The following ZBTB41 variants were observed in gnomAD, a reference collection of about 807,000 sequenced individuals.
ZBTB41 encodes zinc finger and BTB domain-containing protein 41.
A neutral mutation model predicts 87.6 loss-of-function variants in ZBTB41; 42 were observed. The ratio of observed to expected loss-of-function variants is 0.48; its 90% CI spans 0.37 to 0.62. The LOEUF (loss-of-function observed/expected upper bound fraction) is 0.62, where lower values mean the gene tolerates loss of function less well. ZBTB41 is among the 20% of genes least tolerant of loss of function. The pLI is 0.00. For synonymous variants in ZBTB41, 364 were observed against 364.0 expected (o/e 1.00, Z 0.00); for missense variants, 799 against 1,078.9 (o/e 0.74, Z 3.63).
chr1:197,179,605 G>A (rs536423046), intron 6 of ZBTB41, among the ~76,000 whole-genome samples: 133 of 152,048 alleles, frequency 8.7e-4, no homozygotes, highest in Non-Finnish European at 1.6e-3. Flanking sequence ...GTTACCATAG[G>A]ACATGACAGC....
At chr1:197,178,098 T>C (rs923455161) in intron 7 of ZBTB41, among the ~76,000 whole-genome samples, 3 of 151,924 alleles carry the variant, frequency 2.0e-5, no homozygotes, top group African/African-American at 7.3e-5. Context: ...TGTTCTTTGA[T>C]AGTAAAGAGT....
chr1:197,175,039 G>A lies in ZBTB41; in HGVS notation c.1956C>T (p.Ser652=), dbSNP rs376104266. 4.2e-5 allele frequency: 68 copies of A among 1,609,398 alleles called. No homozygotes were observed. The highest frequency in any genetic ancestry group is 5.0e-5 in the Non-Finnish European group (59 of 1,177,504). Residue 652 remains serine, a synonymous_variant, in exon 9 of 11, where the codon AGC becomes AGT. Coordinates refer to ENST00000367405, the MANE Select transcript of ZBTB41 (RefSeq NM_194314.3). ...GCCACACTTTCTCTCCAAGGTGTACGCTTTTGTAATGAACAGTGAGATGAT... is the reference window on the plus strand; with the variant it reads ...GCCACACTTTCTCTCCAAGGTGTACACTTTTGTAATGAACAGTGAGATGAT... ...RRDHLTVHYK[S]VHLGEKVWQK... is the part of the protein sequence containing the mutation.
At chr1:197,186,642 A>G (rs1488980026) in intron 5 of ZBTB41, among the ~76,000 whole-genome samples, 1 of 152,162 alleles carries the variant, frequency 6.6e-6, no homozygotes, top group South Asian at 2.1e-4. Flanking sequence ...TGGGTGGGTC[A>G]CCTGAGGTCA....
chr1:197,178,305 A>C (rs1659660868), intron 7 of ZBTB41, 112 bp downstream of exon 7: 2 of 638,492 alleles, frequency 3.1e-6, no homozygotes, highest in Non-Finnish European at 4.9e-6. Context: ...ACAACTTTGC[A>C]TATCATAAGG....
intron 5 of ZBTB41, among the ~76,000 whole-genome samples, chr1:197,187,602 ATTTT>A (rs969033211): frequency 4.0e-5 from 6 of 151,474 alleles, no homozygotes; most frequent in African/African-American, 1.5e-4. Flanking sequence ...ATGTTTTGTT[ATTTT>A]TTTTTAATAT....
At chr1:197,160,125 G>T in intron 10 of ZBTB41, 111 bp from the exon 11 acceptor site, 1 of 747,394 alleles carries the variant, frequency 1.3e-6, no homozygotes, top group Non-Finnish European at 2.2e-6. Flanking sequence ...CTTGATAATA[G>T]CAATAATACT....
chr1:197,163,677 G>C (rs981592137), intron 10 of ZBTB41, among the ~76,000 whole-genome samples: 2 of 149,756 alleles, frequency 1.3e-5, no homozygotes, highest in Admixed American at 6.7e-5. Context: ...TCAAATCAAG[G>C]CACACTATAG....
intron 2 of ZBTB41, among the ~76,000 whole-genome samples, chr1:197,195,792 C>G (rs1321951211): frequency 6.6e-6 from 1 of 152,038 alleles, no homozygotes; most frequent in East Asian, 1.9e-4. Flanking sequence ...GGTCAAAGGA[C>G]TCTTATTTGC....
rs146804251 is a variant in ZBTB41, at chr1:197,159,696, A to G, written c.2393T>C (p.Met798Thr). Residue 798 changes from methionine to threonine, a missense_variant, in exon 11 of 11, where the codon ATG (methionine) becomes ACG (threonine). Met to Thr is a moderately conservative substitution (Grantham distance 81). This residue lies in a region of ZBTB41 where 171 missense variants were observed against 191.9 expected (regional missense o/e 0.89). Coordinates refer to ENST00000367405, the MANE Select transcript of ZBTB41 (RefSeq NM_194314.3). ...PKVYQSEAKT[M>T]LQNVSAEVCV... ...TACTTCAGCAGATACATTCTGTAACATCGTCTTGGCTTCCGACTGATAAAC... is the reference window on the plus strand; with the variant it reads ...TACTTCAGCAGATACATTCTGTAACGTCGTCTTGGCTTCCGACTGATAAAC... The G allele has an allele frequency of 4.3e-6, 7 of 1,613,930 alleles. No homozygotes were observed. Among genetic ancestry groups the G allele is most frequent in the Admixed American group, 1.7e-5 (1 of 59,974 alleles).
intron 6 of ZBTB41, among the ~76,000 whole-genome samples, chr1:197,179,286 A>C (rs1659684878): frequency 6.6e-6 from 1 of 152,142 alleles, no homozygotes; most frequent in Non-Finnish European, 1.5e-5. Context: ...CTGTCCCATA[A>C]GATTACAACG....
At chr1:197,175,572 T>G (rs949539437) in intron 8 of ZBTB41, among the ~76,000 whole-genome samples, 1 of 150,936 alleles carries the variant, frequency 6.6e-6, no homozygotes, top group Admixed American at 6.6e-5. Context: ...ATTTTTCATC[T>G]GTGAGGATTT....
chr1:197,157,215 C>A lies in ZBTB41; in HGVS notation c.*2144G>T, dbSNP rs1435605660. On this transcript the variant is annotated 3_prime_UTR_variant, in exon 11 of 11. Transcript: ENST00000367405. The stretch of plus-strand genomic sequence containing the variant: ...GGACGGACATTATTATTAAAAGAAC[C>A]CTAAAGTAAATACCTTCAAAAATCA... 2 of 151,492 alleles carry A rather than the reference C, an allele frequency of 1.3e-5. No homozygotes were observed. Among genetic ancestry groups the A allele is most frequent in the Non-Finnish European group, 3.0e-5 (2 of 67,492 alleles). The allele number at this position is 151,492 out of a possible 1,614,324, so 9.4% of individuals were successfully genotyped here. A position where few individuals can be genotyped will look rare whatever the true frequency, so the allele number is the denominator to read the frequency against.
intron 5 of ZBTB41, among the ~76,000 whole-genome samples, chr1:197,182,153 G>A (rs997706167): frequency 6.6e-6 from 1 of 152,010 alleles, no homozygotes; most frequent in Non-Finnish European, 1.5e-5. Flanking sequence ...GTAAATACAC[G>A]TGCCAAAATA....
intron 6 of ZBTB41, 128 bp downstream of exon 6, chr1:197,180,860 T>C: frequency 9.6e-7 from 1 of 1,041,306 alleles, no homozygotes; most frequent in African/African-American, 1.7e-5. Flanking sequence ...TTTTTCCTTA[T>C]ATTTCAAACT....
At chr1:197,190,899 T>C (rs998573915) in intron 3 of ZBTB41, 68 bp from the exon 4 acceptor site, 163 of 1,039,878 alleles carry the variant, frequency 1.6e-4, no homozygotes, top group Non-Finnish European at 2.1e-4. Flanking sequence ...TCCATGTGAA[T>C]ATGTTGACAG....
chr1:197,183,755 T>C (rs1659814431), intron 5 of ZBTB41, among the ~76,000 whole-genome samples: 1 of 152,174 alleles, frequency 6.6e-6, no homozygotes. Context: ...GCCATGAACA[T>C]TAGATAGCAG....
chr1:197,185,633 A>C lies in ZBTB41; in HGVS notation c.1546+2659T>G, dbSNP rs115196633. On this transcript the variant is annotated intron_variant, in intron 5 of 10. Transcript: ENST00000367405. The stretch of plus-strand genomic sequence containing the variant: ...CCAAAAAAACCCCCCAACACACACA[A>C]AAAAACACATTTACACATCTCCAAG... 6.7e-3 allele frequency among the ~76,000 whole-genome samples: 1,010 copies of C among 151,870 alleles called. 8 individuals are homozygous for C. Among genetic ancestry groups the C allele is most frequent in the African/African-American group, 0.022 (915 of 41,486 alleles).
chr1:197,194,962 A>C (rs1447704248), intron 2 of ZBTB41, among the ~76,000 whole-genome samples: 5 of 152,144 alleles, frequency 3.3e-5, no homozygotes, highest in African/African-American at 1.2e-4. Context: ...TTCATGTTTA[A>C]ATCATTTGGT....
Position 197,200,063 on chromosome 1 carries a change from C to A in ZBTB41, c.411G>T (p.Gln137His). 6.2e-7 allele frequency: 1 copy of A among 1,612,780 alleles called. No individual in the cohort carries two copies. Among genetic ancestry groups the A allele is most frequent in the Non-Finnish European group, 8.5e-7 (1 of 1,179,648 alleles). The change falls in exon 2 of 11, where the codon CAG becomes CAT. Residue 137 changes from glutamine (Q) to histidine (H), a missense_variant. By Grantham distance (24) the Gln-to-His change is conservative. Coordinates refer to ENST00000367405, the MANE Select transcript of ZBTB41 (RefSeq NM_194314.3). ...TLDHVTHSVF[Q>H]HLLEFLYTSE... Reference sequence around the variant, plus strand: ...ATGTGTAAAGAAATTCAAGCAAATGCTGAAAAACTGAATGTGTTACGTGAT... The same window carrying A: ...ATGTGTAAAGAAATTCAAGCAAATGATGAAAAACTGAATGTGTTACGTGAT...
Sources: gnomAD v4.1 joint callset for allele counts (sites outside exome capture counted in the v4.1 genomes callset) on GRCh38, gnomAD v4.1.1 for gene constraint, gnomAD v4.1.1 regional missense constraint, MANE v1.5 for transcripts, NCBI Gene and HGNC (gene_info 2026-07-23, HGNC 2026-07-21) for gene names.